The following ARHGAP26 variants were observed in gnomAD, a reference collection of about 807,000 sequenced individuals.
The protein encoded by ARHGAP26 is Rho GTPase activating protein 26, also known as rho GTPase-activating protein 26.
Under a neutral mutation model 104.8 loss-of-function variants are expected in ARHGAP26, and 38 were observed. That is an observed-to-expected ratio of 0.36 (90% CI 0.28 to 0.48). The LOEUF (loss-of-function observed/expected upper bound fraction) is 0.48. Among genes scored for constraint, ARHGAP26 ranks in the 20% least tolerant of loss-of-function variants. The pLI is 0.99. For missense variants in ARHGAP26, 704 were observed against 947.9 expected (o/e 0.74, Z 3.38); for synonymous variants, 341 against 340.0 (o/e 1.00, Z -0.03).
intron 17 of ARHGAP26, among the ~76,000 whole-genome samples, chr5:143,075,173 C>T (rs1445455280): frequency 6.6e-6 from 1 of 152,138 alleles, no homozygotes; most frequent in Non-Finnish European, 1.5e-5. Flanking sequence ...CAAGAGTTGT[C>T]ATAATTTTAA....
chr5:142,805,839 T>C (rs1762886469), intron 1 of ARHGAP26, among the ~76,000 whole-genome samples: 1 of 152,186 alleles, frequency 6.6e-6, no homozygotes, highest in African/African-American at 2.4e-5. Flanking sequence ...GGCTCCTCTT[T>C]CTGTTGCTGA....
intron 11 of ARHGAP26, among the ~76,000 whole-genome samples, chr5:142,955,850 C>T (rs1460463564): frequency 6.6e-6 from 1 of 152,196 alleles, no homozygotes; most frequent in Non-Finnish European, 1.5e-5. Flanking sequence ...CATGCTGTCT[C>T]CATGTTGCAC....
Position 142,789,658 on chromosome 5 carries a change from C to T in ARHGAP26, c.154+18743C>T, listed in dbSNP as rs558986228. 5.7e-4 allele frequency among the ~76,000 whole-genome samples: 87 copies of T among 152,280 alleles called. 1 individual carries two copies. Among genetic ancestry groups the T allele is most frequent in the African/African-American group, 1.9e-3 (78 of 41,550 alleles). On this transcript the variant is annotated intron_variant, in intron 1 of 22. Transcript: ENST00000645722. ...TTTGTGTTAAGGACTGATCTCCATT[C>T]GCTGGTCATGAATTATTTCCGTTCT...
rs182374420 is a variant in ARHGAP26, at chr5:142,951,442, T to C, written c.1107+19317T>C. 3.3e-4 allele frequency among the ~76,000 whole-genome samples: 50 copies of C among 152,262 alleles called. No individual in the cohort carries two copies. The East Asian group carries it at 5.4e-3, about 16-fold the overall frequency. ...AAAAAGAGAAAAGAGGAAGCACCAA[T>C]ATTTATTGCTTATTTAGGCCCTGGT... On this transcript the variant is annotated intron_variant, in intron 11 of 22. Transcript: ENST00000645722.
rs1454988687 is a variant in ARHGAP26 at position 143,223,418 on chromosome 5, A to T, written c.*972A>T. 4.3e-6 allele frequency: 1 copy of T among 231,882 alleles called. No individual in the cohort carries two copies. The highest frequency in any genetic ancestry group is 8.5e-6 in the Non-Finnish European group (1 of 117,002). 14.4% of individuals were successfully genotyped at this position (231,882 alleles called of 1,614,324 possible). ...TAGTAACCTCTTGAGATTAAATTAC[A>T]TAGTCTTAATATTTCTGTTCCTCCA... On this transcript the variant is annotated 3_prime_UTR_variant, in exon 23 of 23. Transcript: ENST00000645722.
chr5:143,028,878 G>T (rs1213411891), intron 12 of ARHGAP26, among the ~76,000 whole-genome samples: 1 of 152,150 alleles, frequency 6.6e-6, no homozygotes, highest in Non-Finnish European at 1.5e-5. Flanking sequence ...TCTGGTGTAG[G>T]GATGGTGCAT....
intron 17 of ARHGAP26, among the ~76,000 whole-genome samples, chr5:143,117,131 G>A (rs1025819261): frequency 7.9e-5 from 12 of 152,198 alleles, no homozygotes. Context: ...TGTACAAGAA[G>A]CTTCTCTGTG....
chr5:142,970,021 A>G (rs1005015788), intron 11 of ARHGAP26, among the ~76,000 whole-genome samples: 7 of 152,072 alleles, frequency 4.6e-5, no homozygotes, highest in South Asian at 2.1e-4. Flanking sequence ...ACAGCATTTT[A>G]TTTTCTGCCA....
chr5:142,907,030 G>A (rs1253553291), intron 8 of ARHGAP26, among the ~76,000 whole-genome samples: 1 of 152,122 alleles, frequency 6.6e-6, no homozygotes, highest in Non-Finnish European at 1.5e-5. Flanking sequence ...CAGAGACTTG[G>A]CCAGAATACG....
chr5:142,954,023 A>G (rs1334371599), intron 11 of ARHGAP26, among the ~76,000 whole-genome samples: 10 of 152,184 alleles, frequency 6.6e-5, no homozygotes, highest in Admixed American at 6.5e-4. Context: ...TTTAAAATAC[A>G]TGATATATGG....
At chr5:142,982,803 T>G (rs1168895142) in intron 11 of ARHGAP26, among the ~76,000 whole-genome samples, 16 of 152,168 alleles carry the variant, frequency 1.1e-4, no homozygotes, top group Admixed American at 1.0e-3. Context: ...GGGAGGAAGA[T>G]GGACCAGAAA....
intron 20 of ARHGAP26, among the ~76,000 whole-genome samples, chr5:143,198,673 T>A (rs1254058814): frequency 6.6e-6 from 1 of 152,260 alleles, no homozygotes; most frequent in Non-Finnish European, 1.5e-5. Context: ...GATTATTGAC[T>A]TGGGGAACAT....
intron 1 of ARHGAP26, among the ~76,000 whole-genome samples, chr5:142,844,850 G>A (rs1258861634): frequency 5.5e-5 from 8 of 144,838 alleles, no homozygotes; most frequent in Non-Finnish European, 1.2e-4. Flanking sequence ...GTGAGACTGC[G>A]TCTCAAAAAA....
intron 17 of ARHGAP26, among the ~76,000 whole-genome samples, chr5:143,070,267 T>C (rs1343753187): frequency 6.6e-6 from 1 of 152,220 alleles, no homozygotes; most frequent in Non-Finnish European, 1.5e-5. Context: ...TGCTACCTAG[T>C]TATGAGCTTC....
At chr5:142,795,337 T>G (rs1760777316) in intron 1 of ARHGAP26, among the ~76,000 whole-genome samples, 1 of 150,940 alleles carries the variant, frequency 6.6e-6, no homozygotes, top group Non-Finnish European at 1.5e-5. Context: ...CTCTTTGGAA[T>G]GATATTGTTG....
chr5:143,171,199 C>T (rs1802721190), intron 20 of ARHGAP26, among the ~76,000 whole-genome samples: 1 of 152,114 alleles, frequency 6.6e-6, no homozygotes, highest in Non-Finnish European at 1.5e-5. Flanking sequence ...AATCTTAGAA[C>T]CCAGTTAGAT....
At chr5:143,041,617 C>G in intron 13 of ARHGAP26, 199 bp from the exon 14 acceptor site, 2 of 572,720 alleles carry the variant, frequency 3.5e-6, no homozygotes, top group Non-Finnish European at 3.2e-6. Context: ...TGCAGCACAT[C>G]CGTGAAATCC....
chr5:142,986,916 A>G (rs1191092872), intron 11 of ARHGAP26, among the ~76,000 whole-genome samples: 1 of 152,178 alleles, frequency 6.6e-6, no homozygotes, highest in Non-Finnish European at 1.5e-5. Flanking sequence ...GCTTTGTGGT[A>G]TAGTTTGAAA....
intron 21 of ARHGAP26, among the ~76,000 whole-genome samples, chr5:143,207,800 T>C (rs1808808611): frequency 2.0e-5 from 3 of 152,260 alleles, no homozygotes; most frequent in Non-Finnish European, 4.4e-5. Context: ...GCCAACCTTT[T>C]CTTTTCTCAT....
Sources: allele counts gnomAD v4.1 joint callset (sites outside exome capture counted in the v4.1 genomes callset), GRCh38; gene constraint gnomAD v4.1.1; transcripts MANE v1.5; gene names NCBI Gene and HGNC (gene_info 2026-07-23, HGNC 2026-07-21).